The following ZSCAN5A variants were observed in gnomAD, a reference collection of about 807,000 sequenced individuals.
The protein encoded by ZSCAN5A is zinc finger and SCAN domain containing 5A.
Under a neutral mutation model 23.7 loss-of-function variants are expected in ZSCAN5A, and 12 were observed. The ratio of observed to expected loss-of-function variants is 0.51; its 90% CI spans 0.32 to 0.82. The LOEUF is 0.82. Ranked by LOEUF, ZSCAN5A falls within the 40% of genes least tolerant of loss-of-function variation. ZSCAN5A has a pLI of 0.03. For missense variants in ZSCAN5A, 597 were observed against 617.9 expected (o/e 0.97, Z 0.36); for synonymous variants, 257 against 239.9 (o/e 1.07, Z -0.66).
intron 2 of ZSCAN5A, chr19:56,244,128 C>A: frequency 6.3e-7 from 1 of 1,587,900 alleles, no homozygotes; most frequent in South Asian, 1.1e-5. Flanking sequence ...GTGGCTTCCC[C>A]AGAAACTCAA....
intron 2 of ZSCAN5A, among the ~76,000 whole-genome samples, chr19:56,357,995 G>C (rs933935303): frequency 1.3e-5 from 2 of 148,424 alleles, no homozygotes; most frequent in Admixed American, 6.6e-5. Flanking sequence ...TTTAAACCAA[G>C]AAAGGTCAAA....
intron 2 of ZSCAN5A, among the ~76,000 whole-genome samples, chr19:56,248,230 C>T (rs1032606038): frequency 6.6e-6 from 1 of 151,888 alleles, no homozygotes; most frequent in Admixed American, 6.6e-5. Context: ...ATTGGGTATC[C>T]TGTATTGTTT....
intron 1 of ZSCAN5A, among the ~76,000 whole-genome samples, chr19:56,313,877 GA>G (rs1465288120): frequency 6.6e-6 from 1 of 152,214 alleles, no homozygotes; most frequent in Admixed American, 6.5e-5. Flanking sequence ...TTTACTGGGT[GA>G]CCAAGTTATG....
chr19:56,287,157 G>A lies in ZSCAN5A; in HGVS notation c.-128+26126C>T, dbSNP rs1027258106. On this transcript the variant is annotated intron_variant, in intron 2 of 5. Coordinates refer to ENST00000683990, the MANE Select transcript of ZSCAN5A (RefSeq NM_001322064.3). ...AGTTTCCGAGTTTTGTCCATCTTAG[G>A]TGGTGAAACCACCATGCACTTTCTC... 2.0e-5 allele frequency among the ~76,000 whole-genome samples: 3 copies of A among 152,188 alleles called. No individual in the cohort carries two copies. In the East Asian group the frequency reaches 5.8e-4, roughly 29 times the overall value.
chr19:56,228,102 G>C, intron 2 of ZSCAN5A: 1 of 334,268 alleles, frequency 3.0e-6, no homozygotes, highest in Non-Finnish European at 4.3e-6. Context: ...GTTACATAAC[G>C]AGTCAGAGTT....
intron 2 of ZSCAN5A, among the ~76,000 whole-genome samples, chr19:56,288,681 T>C (rs111732802): frequency 4.7e-4 from 72 of 152,204 alleles, no homozygotes; most frequent in Non-Finnish European, 9.4e-4. Context: ...GACTGAGTGC[T>C]TAAGTCTGTG....
At chr19:56,288,875 T>C (rs868721144) in intron 2 of ZSCAN5A, among the ~76,000 whole-genome samples, 4 of 152,154 alleles carry the variant, frequency 2.6e-5, no homozygotes, top group African/African-American at 7.2e-5. Context: ...AGCCTCCAGA[T>C]AGGACAGAAG....
intron 2 of ZSCAN5A, among the ~76,000 whole-genome samples, chr19:56,354,952 CATTT>C (rs1161308562): frequency 6.6e-6 from 1 of 152,190 alleles, no homozygotes; most frequent in Non-Finnish European, 1.5e-5. Context: ...CCTCAGCCTT[CATTT>C]AAGTAAATCC....
chr19:56,291,086 A>T (rs1487398515), intron 2 of ZSCAN5A, among the ~76,000 whole-genome samples: 1 of 152,200 alleles, frequency 6.6e-6, no homozygotes, highest in Non-Finnish European at 1.5e-5. Flanking sequence ...GGCTACATGC[A>T]GGACTGAGTA....
At chr19:56,350,110 T>G (rs1438249126) in intron 2 of ZSCAN5A, among the ~76,000 whole-genome samples, 1 of 152,220 alleles carries the variant, frequency 6.6e-6, no homozygotes, top group Non-Finnish European at 1.5e-5. Context: ...GCTGTAATAT[T>G]TTGCCAGATT....
At chr19:56,258,880 C>G (rs944945301) in intron 2 of ZSCAN5A, among the ~76,000 whole-genome samples, 1 of 152,146 alleles carries the variant, frequency 6.6e-6, no homozygotes, top group Non-Finnish European at 1.5e-5. Context: ...ACGAAGGCCT[C>G]AGTTCCCCTC....
intron 2 of ZSCAN5A, among the ~76,000 whole-genome samples, chr19:56,341,702 CAAA>C (rs1175628460): frequency 0.014 from 751 of 53,736 alleles, 2 homozygotes; most frequent in East Asian, 0.048. Context: ...TACCAAAAGG[CAAA>C]AAAAAAAAAA....
upstream of ZSCAN5A, chr19:56,315,517 T>G (rs2041292181): frequency 6.6e-6 from 1 of 152,212 alleles, no homozygotes; most frequent in South Asian, 2.1e-4. Flanking sequence ...TAACGGCCCC[T>G]CCCAGTTCCC....
At chr19:56,261,972 A>T (rs1302816595) in intron 2 of ZSCAN5A, among the ~76,000 whole-genome samples, 1 of 152,200 alleles carries the variant, frequency 6.6e-6, no homozygotes, top group Non-Finnish European at 1.5e-5. Flanking sequence ...CCAGTACCTC[A>T]GAAGTCTCCC....
intron 2 of ZSCAN5A, chr19:56,245,373 C>T: frequency 1.3e-6 from 1 of 751,472 alleles, no homozygotes; most frequent in Non-Finnish European, 2.5e-6. Context: ...GAAGGCCAGG[C>T]CAGCCAAGAG....
chr19:56,315,329 G>A (rs117913905), upstream of ZSCAN5A: 1 of 152,354 alleles, frequency 6.6e-6, no homozygotes, highest in African/African-American at 2.4e-5. Context: ...AGATTCCCGA[G>A]CCTGGGTCAC....
Position 56,225,092 on chromosome 19 carries a change from G to A in ZSCAN5A, c.-46C>T, listed in dbSNP as rs768725998. ...ATCAGTCTCTGAGAAAGCTCTTCCA[G>A]TAGCTGGTATCTAATTGATACCTAT... On this transcript the variant is annotated 5_prime_UTR_variant, in exon 3 of 6. Coordinates refer to ENST00000683990, the MANE Select transcript of ZSCAN5A (RefSeq NM_001322064.3). 6.5e-7 allele frequency: 1 copy of A among 1,529,834 alleles called. No homozygotes were observed. Among genetic ancestry groups the A allele is most frequent in the African/African-American group, 1.4e-5 (1 of 72,498 alleles). 94.8% of individuals were successfully genotyped at this position (1,529,834 alleles called of 1,614,324 possible). A position where few individuals can be genotyped will look rare whatever the true frequency, so the allele number is the denominator to read the frequency against.
chr19:56,224,645 C>G lies in ZSCAN5A; in HGVS notation c.384+18G>C. On this transcript the variant is annotated intron_variant, in intron 3 of 5. Coordinates refer to ENST00000683990, the MANE Select transcript of ZSCAN5A (RefSeq NM_001322064.3). ...CCCAGCTCCCCTTCCCTGCACCAAT[C>G]ACGAGGGTCCCACTCACCCATTTCT... is the stretch of plus-strand genomic sequence containing the variant. The G allele has an allele frequency of 6.4e-7, 1 of 1,557,334 alleles. No homozygotes were observed. Among genetic ancestry groups the G allele is most frequent in the Non-Finnish European group, 8.7e-7 (1 of 1,150,344 alleles).
chr19:56,334,160 C>T (rs2041514306), intron 2 of ZSCAN5A, among the ~76,000 whole-genome samples: 1 of 152,166 alleles, frequency 6.6e-6, no homozygotes, highest in Non-Finnish European at 1.5e-5. Flanking sequence ...ACCATGTACC[C>T]AGAGGTGTGA....
Sources: gnomAD v4.1 joint callset for allele counts (sites outside exome capture counted in the v4.1 genomes callset) on GRCh38, gnomAD v4.1.1 for gene constraint, MANE v1.5 for transcripts, NCBI Gene and HGNC (gene_info 2026-07-23, HGNC 2026-07-21) for gene names.